NF1: variants seen among roughly 807,000 people sequenced by gnomAD.
NF1 encodes the protein neurofibromin 1.
NF1 carries 122 observed loss-of-function variants against 325.7 expected under a neutral mutation model. The observed-to-expected ratio is 0.37, with a 90% CI of 0.32 to 0.44. The LOEUF is 0.44. NF1 is among the 20% of genes least tolerant of loss of function. The probability of loss-of-function intolerance (pLI) is 1.00; values close to 1 mark genes in which losing one functional copy is unlikely to be tolerated. For synonymous variants in NF1, 1,091 were observed against 1,186.0 expected (o/e 0.92, Z 1.65); for missense variants, 2,140 against 3,415.4 (o/e 0.63, Z 9.31).
chr17:31,361,121 G>GAAACAC (rs1382129704), intron 57 of NF1: 1 of 71,500 alleles, frequency 1.4e-5, no homozygotes, highest in Non-Finnish European at 2.7e-5. Flanking sequence ...AGAAGAAGAA[G>GAAACAC]AAACACAAAA....
At chr17:31,247,193 CA>C (rs10564306) in intron 29 of NF1, among the ~76,000 whole-genome samples, 4,839 of 94,350 alleles carry the variant, frequency 0.051, 143 homozygotes, top group African/African-American at 0.14. Flanking sequence ...GACTCCATCT[CA>C]AAAAAAAAAA....
intron 1 of NF1, among the ~76,000 whole-genome samples, chr17:31,143,039 CA>C: frequency 6.6e-6 from 1 of 151,996 alleles, no homozygotes. Flanking sequence ...ATTGTATGTG[CA>C]TTCTTTTACC....
Position 31,208,478 on chromosome 17 carries a change from A to C in NF1, c.1392+2107A>C, listed in dbSNP as rs965301446. ...ACCAGTATGGAAGTATTGACCTTCTACTCTTTGCCAGGCAAAGGTGCTAAT... is the reference window on the plus strand; with the variant it reads ...ACCAGTATGGAAGTATTGACCTTCTCCTCTTTGCCAGGCAAAGGTGCTAAT... On this transcript the variant is annotated intron_variant, in intron 12 of 57. Coordinates refer to ENST00000358273, the MANE Select transcript of NF1 (RefSeq NM_001042492.3). 3.9e-5 allele frequency among the ~76,000 whole-genome samples: 6 copies of C among 152,146 alleles called. No individual in the cohort carries two copies. The East Asian group carries it at 1.2e-3, about 29-fold the overall frequency.
chr17:31,338,473 A>G (rs1234017790), intron 45 of NF1, among the ~76,000 whole-genome samples: 1 of 152,162 alleles, frequency 6.6e-6, no homozygotes, highest in Non-Finnish European at 1.5e-5. Context: ...CTTGCATAAA[A>G]TTATTTAATT....
intron 5 of NF1, among the ~76,000 whole-genome samples, chr17:31,171,352 G>A (rs2065924417): frequency 6.6e-6 from 1 of 152,132 alleles, no homozygotes; most frequent in African/African-American, 2.4e-5. Flanking sequence ...CTATTATTAA[G>A]CGTTGAGCAG....
rs112019967 is a variant in NF1, at chr17:31,312,922, A to G, written c.4836-12898A>G. 8.4e-3 allele frequency among the ~76,000 whole-genome samples: 1,285 copies of G among 152,204 alleles called. 26 individuals carry two copies. Among genetic ancestry groups the G allele is most frequent in the African/African-American group, 0.03 (1,226 of 41,548 alleles). On this transcript the variant is annotated intron_variant, in intron 36 of 57. Transcript: ENST00000358273. ...CTTTTATGCATATTAACAATTTTCTATTGTTTATTCTATAGGTTTCTTCTA... is the reference window on the plus strand; with the variant it reads ...CTTTTATGCATATTAACAATTTTCTGTTGTTTATTCTATAGGTTTCTTCTA...
rs763634947 is a variant in NF1, at chr17:31,229,069, C to T, written c.2454C>T (p.Ser818=). 1.9e-6 allele frequency: 3 copies of T among 1,611,744 alleles called. No individual in the cohort carries two copies. Among genetic ancestry groups the T allele is most frequent in the Non-Finnish European group, 2.5e-6 (3 of 1,179,716 alleles). Residue 818 remains serine (S), a synonymous_variant, in exon 21 of 58, where the codon TCC becomes TCT. Transcript: ENST00000358273. ...LHKTIVKRRM[S]HVSGGGSIDL... ...AGACCATTGTTAAGAGGCGAATGTC[C>T]CATGTGAGTGGAGGAGGATCCATAG...
intron 36 of NF1, among the ~76,000 whole-genome samples, chr17:31,273,124 G>T (rs1478750449): frequency 1.3e-5 from 2 of 152,062 alleles, no homozygotes; most frequent in African/African-American, 4.8e-5. Context: ...AGGCAATTTG[G>T]GACAGTAGAG....
intron 1 of NF1, among the ~76,000 whole-genome samples, chr17:31,141,026 A>C (rs1310572156): frequency 6.6e-6 from 1 of 152,228 alleles, no homozygotes; most frequent in African/African-American, 2.4e-5. Flanking sequence ...GCTTATGTAT[A>C]ACATGAAGAC....
Position 31,226,697 on chromosome 17 carries a change from A to G in NF1, c.2251+13A>G, listed in dbSNP as rs2151426206. On this transcript the variant is annotated intron_variant, in intron 18 of 57. Coordinates refer to ENST00000358273, the MANE Select transcript of NF1 (RefSeq NM_001042492.3). ...ATGATGTCAACAGGTAAATGTGAAT[A>G]GTGGTTTTTTTTACTCAGTCTGCCT... 1.2e-6 allele frequency: 2 copies of G among 1,613,544 alleles called. No individual in the cohort carries two copies. The highest frequency in any genetic ancestry group is 1.7e-5 in the Admixed American group (1 of 60,014).
chr17:31,252,781 T>G (rs2067518070), intron 30 of NF1, 157 bp from the exon 31 acceptor site: 2 of 651,638 alleles, frequency 3.1e-6, no homozygotes, highest in Non-Finnish European at 5.4e-6. Context: ...AAACCCAGAA[T>G]TAAAATTCAT....
At chr17:31,174,619 G>A (rs1197761114) in intron 5 of NF1, among the ~76,000 whole-genome samples, 1 of 152,096 alleles carries the variant, frequency 6.6e-6, no homozygotes, top group Non-Finnish European at 1.5e-5. Context: ...AATATTATGA[G>A]GGGCATCAAA....
Position 31,271,383 on chromosome 17 carries a change from G to A in NF1, c.4835+6044G>A, listed in dbSNP as rs150319001. On this transcript the variant is annotated intron_variant, in intron 36 of 57. Coordinates refer to ENST00000358273, the MANE Select transcript of NF1 (RefSeq NM_001042492.3). ...TACTATTAACACATTCATGAAATAT[G>A]TTAATACAGATGAATGTGTTATTTT... Among the ~76,000 whole-genome samples, 321 of 152,106 alleles carry A rather than the reference G, an allele frequency of 2.1e-3. 1 individual carries two copies. The highest frequency in any genetic ancestry group is 7.3e-3 in the African/African-American group (301 of 41,516).
intron 4 of NF1, among the ~76,000 whole-genome samples, chr17:31,164,407 ATTG>A (rs1835303473): frequency 1.3e-5 from 2 of 152,216 alleles, no homozygotes; most frequent in African/African-American, 4.8e-5. Context: ...GTAGCTGCAA[ATTG>A]TTGTTATGCA....
intron 29 of NF1, among the ~76,000 whole-genome samples, chr17:31,248,595 T>C (rs998081951): frequency 1.3e-5 from 2 of 152,184 alleles, no homozygotes; most frequent in African/African-American, 2.4e-5. Flanking sequence ...AGTGCAGTGG[T>C]GCAGTCTTGG....
chr17:31,175,685 C>T (rs1401222826), intron 5 of NF1, among the ~76,000 whole-genome samples: 1 of 152,040 alleles, frequency 6.6e-6, no homozygotes, highest in Non-Finnish European at 1.5e-5. Flanking sequence ...TCAGCCCCCA[C>T]CCCCCGACAG....
At position 31,233,039 on chromosome 17, in the gene NF1, A is replaced by G. The variant is rs876658210; in HGVS notation, c.3534A>G (p.Thr1178=). 2 of 1,614,234 alleles carry G rather than the reference A, an allele frequency of 1.2e-6. No homozygotes were observed. Among genetic ancestry groups the G allele is most frequent in the Non-Finnish European group, 1.7e-6 (2 of 1,180,042 alleles). The change falls in exon 27 of 58, where the codon ACA becomes ACG. Residue 1178 remains threonine (T), a synonymous_variant. Coordinates refer to ENST00000358273, the MANE Select transcript of NF1 (RefSeq NM_001042492.3). ...GYHKDLQTRA[T]FMEVLTKILQ... is the part of the protein sequence containing the mutation. ...ACAAGGATCTCCAGACAAGAGCTAC[A>G]TTTATGGAAGTTCTGACAAAAATCC...
At chr17:31,324,769 C>G (rs2069300120) in intron 36 of NF1, among the ~76,000 whole-genome samples, 1 of 152,108 alleles carries the variant, frequency 6.6e-6, no homozygotes, top group African/African-American at 2.4e-5. Context: ...GCCATGTTGG[C>G]CAGGCTGGTC....
rs750514449 is a variant in NF1 at position 31,377,319 on chromosome 17, TAAC to T, written c.*3170_*3172del. The T allele has an allele frequency of 4.3e-6, 1 of 233,562 alleles. No individual in the cohort carries two copies. The highest frequency in any genetic ancestry group is 6.1e-5 in the East Asian group (1 of 16,520). The allele number at this position is 233,562 out of a possible 1,614,324, so 14.5% of individuals were successfully genotyped here. ...AAAGCAGTTAGTTGCTGCACATGGA[TAAC>T]AACAAAAATTTGATTATTCTCGTGT... is the stretch of plus-strand genomic sequence containing the variant. On this transcript the variant is annotated 3_prime_UTR_variant, in exon 58 of 58. Transcript: ENST00000358273.
Sources: gnomAD v4.1 joint callset for allele counts (sites outside exome capture counted in the v4.1 genomes callset) on GRCh38, gnomAD v4.1.1 for gene constraint, MANE v1.5 for transcripts, NCBI Gene and HGNC (gene_info 2026-07-23, HGNC 2026-07-21) for gene names.